The following ROS1 variants were observed in gnomAD, a reference collection of about 807,000 sequenced individuals.
ROS1 encodes ROS proto-oncogene 1, receptor tyrosine kinase, also known as proto-oncogene tyrosine-protein kinase ROS.
A neutral mutation model predicts 273.5 loss-of-function variants in ROS1; 263 were observed. That is an observed-to-expected ratio of 0.96 (90% CI 0.87 to 1.06). The LOEUF is 1.06. Among genes scored for constraint, ROS1 ranks in the 50% least tolerant of loss-of-function variants. ROS1 has a pLI of 0.00. For synonymous variants in ROS1, 1,008 were observed against 954.1 expected (o/e 1.06, Z -1.04); for missense variants, 2,833 against 2,751.1 (o/e 1.03, Z -0.67).
chr6:117,392,628 A>G (rs985957850), intron 12 of ROS1, among the ~76,000 whole-genome samples: 4 of 152,230 alleles, frequency 2.6e-5, no homozygotes, highest in Admixed American at 1.3e-4. Context: ...TGATAAATCA[A>G]TGGTCATAGA....
At chr6:117,394,832 G>A in intron 9 of ROS1, 94 bp from the exon 10 acceptor site, 2 of 1,137,688 alleles carry the variant, frequency 1.8e-6, no homozygotes, top group Non-Finnish European at 1.2e-6. Flanking sequence ...AAAGCAAGGG[G>A]ACTAGTGCTT....
intron 1 of ROS1, among the ~76,000 whole-genome samples, chr6:117,421,201 A>G (rs1348543539): frequency 6.8e-6 from 1 of 148,108 alleles, no homozygotes; most frequent in Admixed American, 6.8e-5. Context: ...TATGAATTGG[A>G]ATACATATTA....
intron 37 of ROS1, among the ~76,000 whole-genome samples, chr6:117,319,445 ATTTAT>A (rs1294612567): frequency 6.6e-6 from 1 of 152,134 alleles, no homozygotes; most frequent in African/African-American, 2.4e-5. Flanking sequence ...AGCCACACTC[ATTTAT>A]TTACATATTG....
intron 39 of ROS1, among the ~76,000 whole-genome samples, chr6:117,311,945 T>A (rs1447650197): frequency 6.6e-6 from 1 of 152,092 alleles, no homozygotes; most frequent in Non-Finnish European, 1.5e-5. Flanking sequence ...ATTCAAAAAT[T>A]TCCCTTGTCT....
At chr6:117,422,114 A>T (rs954377577) in intron 1 of ROS1, among the ~76,000 whole-genome samples, 3 of 152,088 alleles carry the variant, frequency 2.0e-5, no homozygotes, top group African/African-American at 7.2e-5. Flanking sequence ...TGCTCAATCA[A>T]TCCTCCCACC....
chr6:117,386,352 A>T (rs1411205695), intron 15 of ROS1, among the ~76,000 whole-genome samples: 1 of 152,240 alleles, frequency 6.6e-6, no homozygotes, highest in African/African-American at 2.4e-5. Context: ...ATCAATAAAC[A>T]ATTAGATAAC....
chr6:117,307,439 T>C (rs1775191044), intron 42 of ROS1, among the ~76,000 whole-genome samples: 1 of 152,132 alleles, frequency 6.6e-6, no homozygotes, highest in South Asian at 2.1e-4. Flanking sequence ...AAAACAGTGA[T>C]TAGTTTGTAA....
intron 17 of ROS1, among the ~76,000 whole-genome samples, chr6:117,382,460 T>C (rs1209116172): frequency 6.6e-6 from 1 of 152,124 alleles, no homozygotes; most frequent in Non-Finnish European, 1.5e-5. Context: ...TGACTTAAAA[T>C]AAGAAAATCT....
chr6:117,418,481 G>C lies in ROS1; in HGVS notation c.149C>G (p.Pro50Arg), dbSNP rs778252640. ...NLGQQLDLGT[P>R]HNLSEPCIQG... Reference sequence around the variant, plus strand: ...ACTTACCGGTTCACTCAGATTATGTGGTGTGCCAAGGTCAAGCTGCTGGCC... The same window carrying C: ...ACTTACCGGTTCACTCAGATTATGTCGTGTGCCAAGGTCAAGCTGCTGGCC... The change falls in exon 2 of 44, where the codon CCA (proline) becomes CGA (arginine). Residue 50 changes from proline (P) to arginine (R), a missense_variant. Transcript: ENST00000368507. The C allele has an allele frequency of 6.2e-7, 1 of 1,601,376 alleles. No individual in the cohort carries two copies. The highest frequency in any genetic ancestry group is 1.1e-5 in the South Asian group (1 of 88,396).
chr6:117,360,786 A>G (rs1779736004), intron 22 of ROS1, among the ~76,000 whole-genome samples: 1 of 152,136 alleles, frequency 6.6e-6, no homozygotes, highest in Non-Finnish European at 1.5e-5. Context: ...GAATATATAT[A>G]TATCAATTGA....
intron 37 of ROS1, among the ~76,000 whole-genome samples, chr6:117,318,701 C>T (rs745759359): frequency 6.6e-6 from 1 of 152,012 alleles, no homozygotes. Flanking sequence ...TCATATAACT[C>T]GGTGATGGTC....
chr6:117,372,450 T>G (rs1479367536), intron 18 of ROS1, among the ~76,000 whole-genome samples: 1 of 152,214 alleles, frequency 6.6e-6, no homozygotes, highest in East Asian at 1.9e-4. Context: ...TTTCCGGAAC[T>G]GGTGGGTTCT....
intron 3 of ROS1, among the ~76,000 whole-genome samples, chr6:117,415,347 G>T (rs567996154): frequency 2.6e-5 from 4 of 152,126 alleles, no homozygotes; most frequent in Non-Finnish European, 5.9e-5. Context: ...TAAAAACTAT[G>T]TATATAAAAA....
At chr6:117,314,477 A>T (rs1213348624) in intron 39 of ROS1, among the ~76,000 whole-genome samples, 1 of 152,174 alleles carries the variant, frequency 6.6e-6, no homozygotes, top group Non-Finnish European at 1.5e-5. Flanking sequence ...ACTGAAAGCA[A>T]AAAGAACGTT....
At chr6:117,297,734 G>A (rs947365306) in intron 43 of ROS1, among the ~76,000 whole-genome samples, 3 of 152,190 alleles carry the variant, frequency 2.0e-5, no homozygotes, top group Non-Finnish European at 4.4e-5. Flanking sequence ...TGTTGGCGAG[G>A]ATGCAGACAA....
rs770794709 is a variant in ROS1, at chr6:117,389,345, C to T, written c.1786+5G>A. 2.5e-6 allele frequency: 4 copies of T among 1,609,462 alleles called. No homozygotes were observed. In the Admixed American group the frequency reaches 6.7e-5, roughly 27 times the overall value. ...CAGTAACCACACTGGGGACAGAGCA[C>T]TCACTGGCTCCTATGGCAAGGGCAG... On this transcript the variant is annotated splice_donor_5th_base_variant and intron_variant, in intron 13 of 43. Transcript: ENST00000368507.
At chr6:117,311,525 A>G (rs1363703092) in intron 39 of ROS1, among the ~76,000 whole-genome samples, 5 of 152,154 alleles carry the variant, frequency 3.3e-5, no homozygotes, top group African/African-American at 1.2e-4. Flanking sequence ...CAAGTAAGTT[A>G]CATATATGGC....
At chr6:117,365,238 G>A (rs2128659570) in intron 20 of ROS1, 34 bp from the exon 21 acceptor site, 1 of 1,514,912 alleles carries the variant, frequency 6.6e-7, no homozygotes, top group Non-Finnish European at 9.0e-7. Context: ...ATTTTCTCAG[G>A]GAGAGAATTA....
chr6:117,333,183 C>G (rs968076088), intron 32 of ROS1, among the ~76,000 whole-genome samples: 8 of 152,042 alleles, frequency 5.3e-5, no homozygotes, highest in African/African-American at 1.9e-4. Flanking sequence ...ACTGACCCCA[C>G]AGAAATACAA....
Sources: allele counts gnomAD v4.1 joint callset (sites outside exome capture counted in the v4.1 genomes callset), GRCh38; gene constraint gnomAD v4.1.1; transcripts MANE v1.5; gene names NCBI Gene and HGNC (gene_info 2026-07-23, HGNC 2026-07-21).